STARD9: variants seen among roughly 807,000 people sequenced by gnomAD.
STARD9 encodes StAR related lipid transfer domain containing 9, also known as stAR-related lipid transfer protein 9.
Under a neutral mutation model 399.8 loss-of-function variants are expected in STARD9, and 346 were observed. The observed-to-expected ratio is 0.87, with a 90% confidence interval of 0.79 to 0.95. The LOEUF is 0.95. Ranked by LOEUF, STARD9 falls within the 40% of genes least tolerant of loss-of-function variation. STARD9 has a pLI of 0.00. For synonymous variants in STARD9, 2,203 were observed against 2,143.5 expected (o/e 1.03, Z -0.77); for missense variants, 5,832 against 5,667.5 (o/e 1.03, Z -0.93).
At chr15:42,664,824 A>ACACC (rs1491413451) in intron 13 of STARD9, among the ~76,000 whole-genome samples, 1 of 144,586 alleles carries the variant, frequency 6.9e-6, no homozygotes, top group Non-Finnish European at 1.5e-5. Context: ...ACACACACAC[A>ACACC]CCCCATACGT....
At chr15:42,683,213 G>A (rs1008586387) in intron 22 of STARD9, among the ~76,000 whole-genome samples, 1 of 152,174 alleles carries the variant, frequency 6.6e-6, no homozygotes, top group Non-Finnish European at 1.5e-5. Context: ...CACAATTAAC[G>A]TCTGTTAGTG....
chr15:42,601,347 G>A (rs75846237), intron 3 of STARD9, among the ~76,000 whole-genome samples: 10 of 152,204 alleles, frequency 6.6e-5, no homozygotes, highest in African/African-American at 1.9e-4. Flanking sequence ...AACCGCCATC[G>A]TCATCATGGC....
At chr15:42,712,495 T>C (rs917312725) in intron 26 of STARD9, among the ~76,000 whole-genome samples, 2 of 152,116 alleles carry the variant, frequency 1.3e-5, no homozygotes, top group Admixed American at 6.6e-5. Flanking sequence ...TTCTTACATA[T>C]GGTGAGAGCT....
chr15:42,707,601 C>G (rs2061117423), intron 26 of STARD9, among the ~76,000 whole-genome samples: 3 of 152,060 alleles, frequency 2.0e-5, no homozygotes, highest in Middle Eastern at 3.4e-3. Context: ...TCCCCAGTAG[C>G]TGGGACTACA....
intron 7 of STARD9, among the ~76,000 whole-genome samples, chr15:42,646,176 CAAT>C (rs1320672913): frequency 1.3e-5 from 2 of 151,812 alleles, no homozygotes; most frequent in Non-Finnish European, 2.9e-5. Context: ...ACAACAACAA[CAAT>C]AATAATAATG....
intron 3 of STARD9, among the ~76,000 whole-genome samples, chr15:42,596,110 TG>T (rs1225892263): frequency 6.6e-6 from 1 of 152,180 alleles, no homozygotes. Flanking sequence ...TTTTTCCCCC[TG>T]TAAGACAAGG....
Position 42,694,170 on chromosome 15 carries a change from C to G in STARD9, c.12592C>G (p.Pro4198Ala). The G allele has an allele frequency of 1.3e-6, 2 of 1,535,178 alleles. No individual in the cohort carries two copies. Among genetic ancestry groups the G allele is most frequent in the Middle Eastern group, 1.7e-4 (1 of 5,980 alleles). The change falls in exon 23 of 33, where the codon CCC (proline) becomes GCC (alanine). Residue 4198 changes from proline to alanine, a missense_variant. Around this residue, in one of 2 missense-constraint regions of STARD9, gnomAD observed 5,828 missense variants for 5,651.1 expected, o/e 1.03. Coordinates refer to ENST00000290607, the MANE Select transcript of STARD9 (RefSeq NM_020759.3). The part of the protein sequence containing the change: ...DSEWSKREQI[P>A]LQVGAQNLSL... ...TGAGTGGTCCAAGAGGGAGCAGATCCCCCTGCAAGTTGGGGCCCAGAACCT... is the reference window on the plus strand; with the variant it reads ...TGAGTGGTCCAAGAGGGAGCAGATCGCCCTGCAAGTTGGGGCCCAGAACCT...
chr15:42,669,450 A>G, intron 16 of STARD9, 113 bp downstream of exon 16: 1 of 987,610 alleles, frequency 1.0e-6, no homozygotes, highest in Non-Finnish European at 1.4e-6. Flanking sequence ...GACAGATGCT[A>G]CAGAGCTGCC....
In STARD9 at chr15:42,693,724, C is replaced by T; in HGVS notation, c.12146C>T (p.Pro4049Leu). Residue 4049 changes from proline to leucine, a missense_variant, in exon 23 of 33, where the codon CCA becomes CTA. Physicochemically the swap from Pro to Leu is moderately conservative, Grantham distance 98. Transcript: ENST00000290607. ...PEHCPLSGREPSQWQSRTENG... is the reference protein window; with the variant it reads ...PEHCPLSGRELSQWQSRTENG... ...CATTGCCCACTGAGCGGTAGGGAGC[C>T]AAGTCAGTGGCAGAGCAGGACAGAA... is the stretch of plus-strand genomic sequence containing the variant. 1.3e-6 allele frequency: 2 copies of T among 1,536,942 alleles called. No individual in the cohort carries two copies. Among genetic ancestry groups the T allele is most frequent in the South Asian group, 1.2e-5 (1 of 84,062 alleles).
At chr15:42,595,385 G>A (rs1208322616) in intron 3 of STARD9, among the ~76,000 whole-genome samples, 1 of 152,158 alleles carries the variant, frequency 6.6e-6, no homozygotes, top group Non-Finnish European at 1.5e-5. Flanking sequence ...CATGGTCCAA[G>A]CTCTCGCACA....
chr15:42,601,075 G>C (rs2058612713), intron 3 of STARD9, among the ~76,000 whole-genome samples: 1 of 152,048 alleles, frequency 6.6e-6, no homozygotes, highest in African/African-American at 2.4e-5. Context: ...GACTCTTAAC[G>C]AGTATGCTGC....
At chr15:42,603,289 T>G (rs148426168) in intron 3 of STARD9, among the ~76,000 whole-genome samples, 211 of 152,180 alleles carry the variant, frequency 1.4e-3, no homozygotes, top group African/African-American at 5.0e-3. Context: ...ACCTGACTAA[T>G]TTTTGTATTT....
Position 42,669,646 on chromosome 15 carries a change from C to T in STARD9, c.1497+309C>T, listed in dbSNP as rs185205489. The stretch of plus-strand genomic sequence containing the variant: ...ATTTTAAAGTAAGAATGATGCTTAT[C>T]ATATTCCTTTTCTGGCTTAGTGAAG... On this transcript the variant is annotated intron_variant, in intron 16 of 32. Transcript: ENST00000290607. The T allele has an allele frequency of 1.5e-3, 352 of 240,074 alleles. 2 individuals are homozygous for T. Among genetic ancestry groups the T allele is most frequent in the African/African-American group, 7.2e-3 (335 of 46,318 alleles). 14.9% of individuals were successfully genotyped at this position (240,074 alleles called of 1,614,324 possible). A position where few individuals can be genotyped will look rare whatever the true frequency, so the allele number is the denominator to read the frequency against.
intron 26 of STARD9, among the ~76,000 whole-genome samples, chr15:42,700,325 G>C (rs2060938812): frequency 6.6e-6 from 1 of 152,220 alleles, no homozygotes; most frequent in African/African-American, 2.4e-5. Flanking sequence ...TCATATGGTA[G>C]TTCTGCTTTA....
At chr15:42,645,908 C>A (rs1434459037) in intron 7 of STARD9, among the ~76,000 whole-genome samples, 1 of 151,886 alleles carries the variant, frequency 6.6e-6, no homozygotes, top group African/African-American at 2.4e-5. Context: ...GCCTGTAATC[C>A]CAGCACTTTG....
rs1426647181 is a variant in STARD9, at chr15:42,720,286, A to T, written c.*712A>T. 6.6e-6 allele frequency: 1 copy of T among 152,336 alleles called. No individual in the cohort carries two copies. Among genetic ancestry groups the T allele is most frequent in the African/African-American group, 2.4e-5 (1 of 41,454 alleles). 9.4% of individuals were successfully genotyped at this position (152,336 alleles called of 1,614,324 possible). A position where few individuals can be genotyped will look rare whatever the true frequency, so the allele number is the denominator to read the frequency against. ...CTCGGTCAGATGGAAGACACTATAG[A>T]ACCAGGTTGGACAGATTTGGGGTCA... On this transcript the variant is annotated 3_prime_UTR_variant, in exon 33 of 33. Coordinates refer to ENST00000290607, the MANE Select transcript of STARD9 (RefSeq NM_020759.3).
chr15:42,687,341 G>C lies in STARD9; in HGVS notation c.5763G>C (p.Leu1921=). 1 of 1,536,750 alleles carries C rather than the reference G, an allele frequency of 6.5e-7. No homozygotes were observed. Among genetic ancestry groups the C allele is most frequent in the Non-Finnish European group, 8.7e-7 (1 of 1,146,924 alleles). The change falls in exon 23 of 33, where the codon CTG becomes CTC. Residue 1921 remains leucine, a synonymous_variant. Coordinates refer to ENST00000290607, the MANE Select transcript of STARD9 (RefSeq NM_020759.3). The part of the protein sequence containing the change: ...RESEAREEEE[L]DQNTVLRQTI... ...CTGAGGCACGAGAGGAAGAAGAGCTGGATCAGAATACGGTTCTGAGGCAGA... is the reference window on the plus strand; with the variant it reads ...CTGAGGCACGAGAGGAAGAAGAGCTCGATCAGAATACGGTTCTGAGGCAGA...
At chr15:42,716,270 C>T (rs142658382) in intron 26 of STARD9, among the ~76,000 whole-genome samples, 2 of 152,256 alleles carry the variant, frequency 1.3e-5, no homozygotes, top group East Asian at 3.9e-4. Context: ...CTTTTCCTCC[C>T]ATCCCATCTT....
chr15:42,610,989 T>A (rs966743592), intron 3 of STARD9, among the ~76,000 whole-genome samples: 9 of 152,246 alleles, frequency 5.9e-5, no homozygotes, highest in African/African-American at 2.2e-4. Context: ...AATGATAAAT[T>A]ATTTTAATGA....
Sources: allele counts gnomAD v4.1 joint callset (sites outside exome capture counted in the v4.1 genomes callset), GRCh38; gene constraint gnomAD v4.1.1; regional missense constraint gnomAD v4.1.1; transcripts MANE v1.5; gene names NCBI Gene and HGNC (gene_info 2026-07-23, HGNC 2026-07-21).